Variants in GABBR2 observed in about 807,000 individuals in gnomAD.
GABBR2 encodes gamma-aminobutyric acid type B receptor subunit 2, also known as G-protein coupled receptor 51.
Under a neutral mutation model 105.6 loss-of-function variants are expected in GABBR2, and 23 were observed. That is an observed-to-expected ratio of 0.22 (90% CI 0.16 to 0.31). The LOEUF (loss-of-function observed/expected upper bound fraction) is 0.31. GABBR2 is among the 10% of genes least tolerant of loss of function. The probability of loss-of-function intolerance (pLI) is 1.00; values close to 1 mark genes in which losing one functional copy is unlikely to be tolerated. For missense variants in GABBR2, 734 were observed against 1,245.5 expected, an observed-to-expected ratio of 0.59 and a Z score of 6.18; for synonymous variants, 478 against 499.7, an observed-to-expected ratio of 0.96 and a Z score of 0.58.
At chr9:98,371,313 T>C in intron 12 of GABBR2, 151 bp downstream of exon 12, 1 of 600,768 alleles carries the variant, frequency 1.7e-6, no homozygotes, top group South Asian at 2.0e-5. Context: ...ACTGTCCGAT[T>C]TCCCCAGTAG....
chr9:98,365,573 G>A (rs1831661865), intron 12 of GABBR2, among the ~76,000 whole-genome samples: 1 of 152,246 alleles, frequency 6.6e-6, no homozygotes, highest in African/African-American at 2.4e-5. Flanking sequence ...TTTAGGCTAA[G>A]TAGTTATGAA....
At chr9:98,319,866 A>C (rs1830788431) in intron 13 of GABBR2, among the ~76,000 whole-genome samples, 1 of 152,186 alleles carries the variant, frequency 6.6e-6, no homozygotes, top group African/African-American at 2.4e-5. Context: ...AGGAAGTTCT[A>C]CTAAAATTCA....
chr9:98,377,993 T>C (rs1270482063), intron 11 of GABBR2, among the ~76,000 whole-genome samples: 2 of 152,226 alleles, frequency 1.3e-5, no homozygotes, highest in Non-Finnish European at 2.9e-5. Flanking sequence ...TGGCCAGCCA[T>C]GACAGCCACC....
intron 1 of GABBR2, among the ~76,000 whole-genome samples, chr9:98,660,741 C>A (rs796511359): frequency 5.1e-4 from 78 of 152,112 alleles, no homozygotes; most frequent in African/African-American, 1.8e-3. Flanking sequence ...CTTCTAGAGG[C>A]CACTTCTATT....
Position 98,306,477 on chromosome 9 carries a change from TG to T in GABBR2, c.2005-133del, listed in dbSNP as rs1374069419. ...AGGGAGGGAGGGTCGGGGGCCTTGC[TG>T]TCAGCCGGGTCTTCTGGATGTCACC... On this transcript the variant is annotated intron_variant, in intron 14 of 18. Transcript: ENST00000259455. This position sits in a 1 kb window ranked among gnomAD's most constrained non-coding sequence, Gnocchi z 5.4. 1 of 663,712 alleles carries T rather than the reference TG, an allele frequency of 1.5e-6. No individual in the cohort carries two copies. The highest frequency in any genetic ancestry group is 2.7e-6 in the Non-Finnish European group (1 of 364,928). The allele number at this position is 663,712 out of a possible 1,614,324, so 41.1% of individuals were successfully genotyped here.
chr9:98,569,641 A>G (rs1335174587), intron 2 of GABBR2, among the ~76,000 whole-genome samples: 3 of 152,236 alleles, frequency 2.0e-5, no homozygotes, highest in Admixed American at 1.3e-4. Context: ...CACATGCTGC[A>G]AAGTGCTGGA....
At chr9:98,402,915 A>C (rs867514350) in intron 8 of GABBR2, among the ~76,000 whole-genome samples, 2 of 152,142 alleles carry the variant, frequency 1.3e-5, no homozygotes, top group South Asian at 4.2e-4. Flanking sequence ...GTTGATACGC[A>C]TATGCCCCCT....
At chr9:98,406,458 G>A (rs979169623) in intron 7 of GABBR2, among the ~76,000 whole-genome samples, 2 of 152,246 alleles carry the variant, frequency 1.3e-5, no homozygotes, top group African/African-American at 4.8e-5. Flanking sequence ...TGGGGACGAC[G>A]TCTTCTGGGG....
intron 12 of GABBR2, among the ~76,000 whole-genome samples, chr9:98,365,149 G>C (rs1237798717): frequency 6.6e-6 from 1 of 152,222 alleles, no homozygotes; most frequent in African/African-American, 2.4e-5. Flanking sequence ...CCCAATTCTT[G>C]TCAAGCGTGA....
intron 2 of GABBR2, among the ~76,000 whole-genome samples, chr9:98,577,469 A>T (rs552745562): frequency 6.6e-6 from 1 of 152,340 alleles, no homozygotes; most frequent in Admixed American, 6.5e-5. Flanking sequence ...AACAAAAGAG[A>T]ATCTCAGTGG....
intron 1 of GABBR2, among the ~76,000 whole-genome samples, chr9:98,650,014 G>A (rs1350776457): frequency 6.6e-6 from 1 of 152,196 alleles, no homozygotes; most frequent in Non-Finnish European, 1.5e-5. Flanking sequence ...CTATAAAGAG[G>A]TCTCTCCTTC....
rs1394134919 is a variant in GABBR2 at position 98,523,190 on chromosome 9, G to A, written c.630+18683C>T. Among the ~76,000 whole-genome samples, 5 of 152,256 alleles carry A rather than the reference G, an allele frequency of 3.3e-5. No homozygotes were observed. In the East Asian group the frequency reaches 7.7e-4, roughly 24 times the overall value. On this transcript the variant is annotated intron_variant, in intron 3 of 18. Transcript: ENST00000259455. ...AATAAATATGCAAATTAAGAAATTA[G>A]AAGAAGAATGGTGAAAGAAACCTAC...
At chr9:98,641,516 ACC>A (rs1385827139) in intron 1 of GABBR2, among the ~76,000 whole-genome samples, 1 of 152,084 alleles carries the variant, frequency 6.6e-6, no homozygotes, top group African/African-American at 2.4e-5. Context: ...AAGTCCACGA[ACC>A]CATAAATCAC....
chr9:98,657,575 A>C (rs1830199853), intron 1 of GABBR2, among the ~76,000 whole-genome samples: 1 of 152,250 alleles, frequency 6.6e-6, no homozygotes, highest in Non-Finnish European at 1.5e-5. Context: ...ATCAACATTC[A>C]GTTATGAGAA....
intron 7 of GABBR2, among the ~76,000 whole-genome samples, chr9:98,414,566 T>C (rs1832652805): frequency 6.6e-6 from 1 of 152,194 alleles, no homozygotes; most frequent in Non-Finnish European, 1.5e-5. Flanking sequence ...CTAAGTCCTA[T>C]AGACTTAAGT....
At chr9:98,333,028 C>A (rs1415775279) in intron 13 of GABBR2, among the ~76,000 whole-genome samples, 2 of 152,152 alleles carry the variant, frequency 1.3e-5, no homozygotes, top group Non-Finnish European at 2.9e-5. Flanking sequence ...CAGGAACACG[C>A]TGGGCTGGGC....
rs190413261 is a variant in GABBR2, at chr9:98,695,042, C to A, written c.321+13375G>T. The stretch of plus-strand genomic sequence containing the variant: ...CTTCAAATCCAGTGTTCAACTGGAA[C>A]AATCCATTCCTCACAGATGCCTGAT... On this transcript the variant is annotated intron_variant, in intron 1 of 18. Coordinates refer to ENST00000259455, the MANE Select transcript of GABBR2 (RefSeq NM_005458.8). 1.2e-3 allele frequency among the ~76,000 whole-genome samples: 187 copies of A among 152,350 alleles called. 1 individual carries two copies. Among genetic ancestry groups the A allele is most frequent in the Admixed American group, 3.2e-3 (49 of 15,308 alleles).
chr9:98,459,622 CT>C (rs1206191803), intron 6 of GABBR2, among the ~76,000 whole-genome samples: 1 of 152,200 alleles, frequency 6.6e-6, no homozygotes, highest in Non-Finnish European at 1.5e-5. Context: ...GATAATTAAG[CT>C]GCATAAAGCA....
rs534114381 is a variant in GABBR2, at chr9:98,354,174, T to C, written c.1893+8541A>G. On this transcript the variant is annotated intron_variant, in intron 13 of 18. Transcript: ENST00000259455. ...CTGAACAGTAAGTCTCAAAAGTAGA[T>C]TTAAAATTATTCAGGAAACCATGCT... 2.0e-5 allele frequency among the ~76,000 whole-genome samples: 3 copies of C among 152,334 alleles called. No homozygotes were observed. In the East Asian group the frequency reaches 5.8e-4, roughly 29 times the overall value.
Sources: allele counts gnomAD v4.1 joint callset (sites outside exome capture counted in the v4.1 genomes callset), GRCh38; gene constraint gnomAD v4.1.1; non-coding constraint Gnocchi (gnomAD v3.1); transcripts MANE v1.5; gene names NCBI Gene and HGNC (gene_info 2026-07-23, HGNC 2026-07-21).